TCERG1: variants seen among roughly 807,000 people sequenced by gnomAD.
TCERG1 encodes TATA box binding protein (TBP)-associated factor, RNA polymerase II, S, 150kD.
In TCERG1, 37 loss-of-function variants were observed where a neutral mutation model predicts 144.7. That is an observed-to-expected ratio of 0.26 (90% CI 0.20 to 0.34). The LOEUF is 0.34. TCERG1 is among the 10% of genes least tolerant of loss of function. TCERG1 has a pLI of 1.00. For missense variants in TCERG1, 1,027 were observed against 1,380.7 expected (o/e 0.74, Z 4.06); for synonymous variants, 492 against 458.2 (o/e 1.07, Z -0.94).
At chr5:146,482,816 C>A in intron 14 of TCERG1, 89 bp downstream of exon 14, 2 of 1,399,226 alleles carry the variant, frequency 1.4e-6, no homozygotes, top group Non-Finnish European at 9.4e-7. Flanking sequence ...AAGGTTAGTG[C>A]TCATGTTATG....
chr5:146,456,604 CAT>C (rs935221355), intron 2 of TCERG1, among the ~76,000 whole-genome samples: 1 of 152,154 alleles, frequency 6.6e-6, no homozygotes, highest in Non-Finnish European at 1.5e-5. Context: ...ATGGGAAAGA[CAT>C]TTTTAGGAAA....
At chr5:146,483,341 A>T (rs1765529140) in intron 14 of TCERG1, among the ~76,000 whole-genome samples, 199 bp from the exon 15 acceptor site, 1 of 152,266 alleles carries the variant, frequency 6.6e-6, no homozygotes, top group Non-Finnish European at 1.5e-5. Context: ...TCTATATAAT[A>T]TAGGAATGTT....
In TCERG1 at chr5:146,498,628, A is replaced by C; in HGVS notation, c.2375A>C (p.Glu792Ala). Residue 792 changes from glutamate to alanine, a missense_variant, in exon 17 of 23, where the codon GAG becomes GCG. Physicochemically the swap from Glu to Ala is moderately radical, Grantham distance 107. Coordinates refer to ENST00000679501, the MANE Select transcript of TCERG1 (RefSeq NM_001382548.1). ...KMKDREALFN[E>A]FVAAARKKEK... ...AAAGACCGAGAAGCCTTGTTTAATG[A>C]GTTTGTGGCCGCTGCTAGGAAGAAA... is the stretch of plus-strand genomic sequence containing the variant. 1 of 1,612,120 alleles carries C rather than the reference A, an allele frequency of 6.2e-7. No homozygotes were observed. The highest frequency in any genetic ancestry group is 8.5e-7 in the Non-Finnish European group (1 of 1,179,110).
At chr5:146,482,493 C>A in intron 13 of TCERG1, 99 bp from the exon 14 acceptor site, 1 of 1,222,470 alleles carries the variant, frequency 8.2e-7, no homozygotes. Context: ...ATATGCTGCT[C>A]AGTAGTGAGT....
At chr5:146,470,778 G>A (rs1420535547) in intron 8 of TCERG1, 30 bp downstream of exon 8, 1 of 1,513,730 alleles carries the variant, frequency 6.6e-7, no homozygotes, top group South Asian at 1.2e-5. Flanking sequence ...TAACCTGGGA[G>A]CCACATTAAT....
At chr5:146,481,089 G>A in intron 12 of TCERG1, 61 bp from the exon 13 acceptor site, 1 of 858,050 alleles carries the variant, frequency 1.2e-6, no homozygotes, top group Non-Finnish European at 1.4e-6. Context: ...AAACTTTTAG[G>A]TTGTTTTTAA....
At chr5:146,461,315 T>C (rs6859013) in intron 4 of TCERG1, among the ~76,000 whole-genome samples, 37,278 of 152,052 alleles carry the variant, frequency 0.25, 5,693 homozygotes, top group East Asian at 0.84. Flanking sequence ...CTTGATTTAG[T>C]ATCATAAAGT....
chr5:146,447,439 G>T, intron 1 of TCERG1, 31 bp downstream of exon 1: 1 of 1,601,052 alleles, frequency 6.2e-7, no homozygotes, highest in South Asian at 1.1e-5. Flanking sequence ...TCACATCTCT[G>T]CTCACGAGAG....
In TCERG1 at chr5:146,459,276, C is replaced by T. The variant is rs780709817; in HGVS notation, c.831C>T (p.Ser277=). The change falls in exon 4 of 23, where the codon TCC becomes TCT. Residue 277 remains serine (S), a synonymous_variant. Coordinates refer to ENST00000679501, the MANE Select transcript of TCERG1 (RefSeq NM_001382548.1). ...CAGTATCCACTTCAACATCATCATCCACCCCTTCCTCTACCACTTCTACCA... is the reference window on the plus strand; with the variant it reads ...CAGTATCCACTTCAACATCATCATCTACCCCTTCCTCTACCACTTCTACCA... The part of the protein sequence containing the change: ...APAVSTSTSS[S]TPSSTTSTTT... The T allele has an allele frequency of 1.2e-6, 2 of 1,614,254 alleles. No homozygotes were observed.
chr5:146,458,181 T>C (rs1762998295), intron 3 of TCERG1, among the ~76,000 whole-genome samples: 1 of 151,662 alleles, frequency 6.6e-6, no homozygotes, highest in Non-Finnish European at 1.5e-5. Flanking sequence ...TTATTTTTTA[T>C]TTTTTTATTT....
At chr5:146,485,178 T>G (rs1765715808) in intron 15 of TCERG1, among the ~76,000 whole-genome samples, 1 of 152,206 alleles carries the variant, frequency 6.6e-6, no homozygotes, top group Admixed American at 6.5e-5. Context: ...CCAGTCATTC[T>G]GGTGTTTGCT....
In TCERG1 at chr5:146,463,663, G is replaced by A. The variant is rs748844699; in HGVS notation, c.1005G>A (p.Pro335=). Residue 335 remains proline, a synonymous_variant, in exon 5 of 23, where the codon CCG becomes CCA. Transcript: ENST00000679501. Reference sequence around the variant, plus strand: ...CACCTGTGCAAACCGTTCCCCAGCCGCACCCTCAGACGTTACCTCCTGCTG... The same window carrying A: ...CACCTGTGCAAACCGTTCCCCAGCCACACCCTCAGACGTTACCTCCTGCTG... The part of the protein sequence containing the change: ...TATPVQTVPQ[P]HPQTLPPAVP... The A allele has an allele frequency of 4.9e-5, 79 of 1,613,964 alleles. No individual in the cohort carries two copies. The highest frequency in any genetic ancestry group is 6.7e-5 in the East Asian group (3 of 44,882).
Position 146,478,503 on chromosome 5 carries a change from T to C in TCERG1, c.1612T>C (p.Trp538Arg). The C allele has an allele frequency of 1.3e-6, 2 of 1,590,936 alleles. No homozygotes were observed. Among genetic ancestry groups the C allele is most frequent in the Non-Finnish European group, 1.7e-6 (2 of 1,173,858 alleles). ...TGCATCAATTCTTAGGTGTGTCGTT[T>C]GGACTGGTGATGAGCGGGTCTTCTT... is the stretch of plus-strand genomic sequence containing the variant. ...PIPGTPWCVV[W>R]TGDERVFFYN... is the part of the protein sequence containing the mutation. Residue 538 changes from tryptophan (W) to arginine (R), a missense_variant, in exon 10 of 23, where the codon TGG (tryptophan) becomes CGG (arginine). Around this residue, in one of 6 missense-constraint regions of TCERG1, gnomAD observed 482 missense variants for 632.6 expected, o/e 0.76. Coordinates refer to ENST00000679501, the MANE Select transcript of TCERG1 (RefSeq NM_001382548.1).
At chr5:146,463,103 G>A (rs1236201085) in intron 4 of TCERG1, among the ~76,000 whole-genome samples, 1 of 152,092 alleles carries the variant, frequency 6.6e-6, no homozygotes, top group Non-Finnish European at 1.5e-5. Flanking sequence ...CACTAGTTTT[G>A]TTGGTATGCC....
rs1561671036 is a variant in TCERG1, at chr5:146,479,840, A to G, written c.1763-15A>G. The stretch of plus-strand genomic sequence containing the variant: ...GCAAATGACTTTGTAACAATATTTG[A>G]AATGTTTTTGCCAGGGCACCCAACT... On this transcript the variant is annotated splice_polypyrimidine_tract_variant and intron_variant, in intron 10 of 22. Transcript: ENST00000679501. 6.2e-7 allele frequency: 1 copy of G among 1,613,250 alleles called. No homozygotes were observed. Among genetic ancestry groups the G allele is most frequent in the African/African-American group, 1.3e-5 (1 of 75,020 alleles).
chr5:146,489,820 G>A (rs149808136), intron 15 of TCERG1, among the ~76,000 whole-genome samples: 23 of 152,194 alleles, frequency 1.5e-4, no homozygotes, highest in African/African-American at 5.5e-4. Flanking sequence ...GAAGTTATCA[G>A]AAAATAACCA....
intron 8 of TCERG1, among the ~76,000 whole-genome samples, chr5:146,471,282 A>C (rs930789290): frequency 2.6e-5 from 4 of 152,184 alleles, no homozygotes; most frequent in African/African-American, 9.7e-5. Context: ...AGATAGGACA[A>C]GCTGCTGCTG....
rs201518741 is a variant in TCERG1 at position 146,463,681 on chromosome 5, T to A, written c.1023T>A (p.Pro341=). 2 of 1,614,142 alleles carry A rather than the reference T, an allele frequency of 1.2e-6. No individual in the cohort carries two copies. The highest frequency in any genetic ancestry group is 1.7e-6 in the Non-Finnish European group (2 of 1,180,016). Residue 341 remains proline, a synonymous_variant, in exon 5 of 23, where the codon CCT becomes CCA. Transcript: ENST00000679501. ...CCCAGCCGCACCCTCAGACGTTACC[T>A]CCTGCTGTTCCTCATTCAGTACCTC... ...TVPQPHPQTL[P]PAVPHSVPQP...
intron 6 of TCERG1, 57 bp from the exon 7 acceptor site, chr5:146,469,485 GTT>G (rs1764096008): frequency 2.2e-6 from 3 of 1,388,066 alleles, no homozygotes; most frequent in Non-Finnish European, 2.9e-6. Flanking sequence ...ATATTTTAGA[GTT>G]TTATTTTGTA....
Sources: allele counts gnomAD v4.1 joint callset (sites outside exome capture counted in the v4.1 genomes callset), GRCh38; gene constraint gnomAD v4.1.1; regional missense constraint gnomAD v4.1.1; transcripts MANE v1.5; gene names NCBI Gene and HGNC (gene_info 2026-07-23, HGNC 2026-07-21).